Variants in EPC2 observed in about 807,000 individuals in gnomAD.
EPC2 encodes enhancer of polycomb 2.
In EPC2, 14 loss-of-function variants were observed where a neutral mutation model predicts 92.1. The observed-to-expected ratio is 0.15, with a 90% CI of 0.10 to 0.24. The LOEUF is 0.24. Ranked by LOEUF, EPC2 falls within the 10% of genes least tolerant of loss-of-function variation. The pLI is 1.00. For synonymous variants in EPC2, 340 were observed against 334.7 expected (o/e 1.02, Z -0.17); for missense variants, 755 against 971.5 (o/e 0.78, Z 2.96).
chr2:148,747,639 G>A (rs1425563869), intron 3 of EPC2, among the ~76,000 whole-genome samples: 1 of 152,100 alleles, frequency 6.6e-6, no homozygotes, highest in Non-Finnish European at 1.5e-5. Context: ...AAGGTTACCA[G>A]TGGTCTCCTA....
At chr2:148,712,345 C>G (rs1682163759) in intron 2 of EPC2, among the ~76,000 whole-genome samples, 1 of 152,040 alleles carries the variant, frequency 6.6e-6, no homozygotes, top group African/African-American at 2.4e-5. Context: ...ACAGGTTGTA[C>G]AAGTACTTTA....
intron 3 of EPC2, among the ~76,000 whole-genome samples, chr2:148,748,493 TTTTTTGTTCCA>T (rs1443980511): frequency 4.1e-4 from 62 of 151,440 alleles, no homozygotes; most frequent in African/African-American, 1.4e-3. Context: ...ATCAAACCAG[TTTTTTGTTCCA>T]CAATGTTACA....
chr2:148,685,858 C>T (rs1681509361), intron 1 of EPC2, among the ~76,000 whole-genome samples: 1 of 152,186 alleles, frequency 6.6e-6, no homozygotes, highest in Non-Finnish European at 1.5e-5. Context: ...TATATCCATT[C>T]CTTAATTTTA....
At chr2:148,785,346 G>A (rs1326528717) in intron 13 of EPC2, among the ~76,000 whole-genome samples, 8 of 143,206 alleles carry the variant, frequency 5.6e-5, no homozygotes, top group Non-Finnish European at 1.5e-5. Context: ...CCCCACCCCC[G>A]AGATGGAGTC....
chr2:148,646,874 G>T (rs1292987112), intron 1 of EPC2, among the ~76,000 whole-genome samples: 3 of 152,132 alleles, frequency 2.0e-5, no homozygotes, highest in African/African-American at 7.2e-5. Context: ...CACTTTGGAA[G>T]GCCGAGGTGG....
At chr2:148,730,896 A>G (rs1682606206) in intron 2 of EPC2, among the ~76,000 whole-genome samples, 1 of 152,106 alleles carries the variant, frequency 6.6e-6, no homozygotes, top group Admixed American at 6.5e-5. Flanking sequence ...TACGTTTTAT[A>G]TTTGTGCATA....
At chr2:148,700,694 T>C (rs936479690) in intron 2 of EPC2, among the ~76,000 whole-genome samples, 1 of 151,520 alleles carries the variant, frequency 6.6e-6, no homozygotes, top group African/African-American at 2.4e-5. Context: ...TTTTTACTTT[T>C]TTTTTTTTTT....
intron 1 of EPC2, among the ~76,000 whole-genome samples, chr2:148,677,376 T>C (rs1463212336): frequency 6.6e-6 from 1 of 152,180 alleles, no homozygotes; most frequent in African/African-American, 2.4e-5. Context: ...AATTTTCTCA[T>C]TTATGAAATT....
At chr2:148,738,069 T>G (rs567426721) in intron 2 of EPC2, among the ~76,000 whole-genome samples, 20 of 152,308 alleles carry the variant, frequency 1.3e-4, no homozygotes, top group African/African-American at 3.8e-4. Flanking sequence ...CTCTGAAAAT[T>G]TAATTGATGG....
intron 3 of EPC2, among the ~76,000 whole-genome samples, chr2:148,744,882 T>G (rs1338102097): frequency 6.6e-6 from 1 of 151,916 alleles, no homozygotes; most frequent in East Asian, 1.9e-4. Context: ...TACAAATTTA[T>G]TATTTTACCC....
chr2:148,761,901 G>A lies in EPC2; in HGVS notation c.786G>A (p.Leu262=), dbSNP rs768924050. 3 of 1,595,070 alleles carry A rather than the reference G, an allele frequency of 1.9e-6. No individual in the cohort carries two copies. ...GAGAGAAAACAAAACGAGAATTATT[G>A]CACTTAACCTTAGAAGTTGTGGAGA... The part of the protein sequence containing the change: ...KRREKTKREL[L]HLTLEVVEKR... Residue 262 remains leucine, a synonymous_variant, in exon 5 of 14, where the codon TTG becomes TTA. Coordinates refer to ENST00000258484, the MANE Select transcript of EPC2 (RefSeq NM_015630.4).
At chr2:148,700,463 CGTT>C (rs1558813521) in intron 2 of EPC2, among the ~76,000 whole-genome samples, 3 of 151,634 alleles carry the variant, frequency 2.0e-5, no homozygotes, top group South Asian at 4.2e-4. Flanking sequence ...TTCTAGCACT[CGTT>C]GTTGGAAAGA....
chr2:148,727,711 T>G (rs1422941166), intron 2 of EPC2, among the ~76,000 whole-genome samples: 1 of 152,220 alleles, frequency 6.6e-6, no homozygotes, highest in African/African-American at 2.4e-5. Flanking sequence ...ATACTGGGTT[T>G]GAACAGAAAA....
chr2:148,723,063 T>C (rs1225912448), intron 2 of EPC2, among the ~76,000 whole-genome samples: 1 of 152,116 alleles, frequency 6.6e-6, no homozygotes, highest in Non-Finnish European at 1.5e-5. Flanking sequence ...CGAAAAACTA[T>C]CTATTGGGTT....
At chr2:148,721,408 T>C (rs551360210) in intron 2 of EPC2, among the ~76,000 whole-genome samples, 55 of 152,286 alleles carry the variant, frequency 3.6e-4, no homozygotes, top group African/African-American at 1.2e-3. Flanking sequence ...ATATCTGATG[T>C]GATCTTATCT....
intron 1 of EPC2, among the ~76,000 whole-genome samples, chr2:148,664,491 A>G (rs1342120281): frequency 1.3e-5 from 2 of 152,204 alleles, no homozygotes; most frequent in African/African-American, 4.8e-5. Flanking sequence ...GAGTGAGTCA[A>G]TGTCTCAAAT....
At chr2:148,664,643 A>G (rs1681023768) in intron 1 of EPC2, among the ~76,000 whole-genome samples, 1 of 151,712 alleles carries the variant, frequency 6.6e-6, no homozygotes, top group South Asian at 2.1e-4. Flanking sequence ...CAATCCCTCC[A>G]CCTCCTGGTC....
chr2:148,686,309 A>G (rs1340852816), intron 1 of EPC2, among the ~76,000 whole-genome samples: 5 of 152,348 alleles, frequency 3.3e-5, no homozygotes, highest in African/African-American at 4.8e-5. Context: ...TGAAATTGCC[A>G]CAATTTGGTC....
intron 1 of EPC2, among the ~76,000 whole-genome samples, chr2:148,648,462 T>C (rs1683850813): frequency 6.6e-6 from 1 of 152,260 alleles, no homozygotes; most frequent in Non-Finnish European, 1.5e-5. Context: ...TTTCAATATC[T>C]AGATGTCCTT....
Sources: allele counts gnomAD v4.1 joint callset (sites outside exome capture counted in the v4.1 genomes callset), GRCh38; gene constraint gnomAD v4.1.1; transcripts MANE v1.5; gene names NCBI Gene and HGNC (gene_info 2026-07-23, HGNC 2026-07-21).